EDF1: variants seen among roughly 807,000 people sequenced by gnomAD.
EDF1 encodes endothelial differentiation related factor 1, also known as endothelial differentiation-related factor 1.
EDF1 carries 5 observed loss-of-function variants against 20.8 expected under a neutral mutation model. That is an observed-to-expected ratio of 0.24 (90% CI 0.13 to 0.51). The LOEUF (loss-of-function observed/expected upper bound fraction) is 0.51. Ranked by LOEUF, EDF1 falls within the 20% of genes least tolerant of loss-of-function variation. The pLI, the probability that EDF1 is intolerant of heterozygous loss-of-function variation, is 0.97. For missense variants in EDF1, 137 were observed against 197.8 expected, an observed-to-expected ratio of 0.69 and a Z score of 1.84; for synonymous variants, 96 against 78.5, an observed-to-expected ratio of 1.22 and a Z score of -1.18.
At chr9:136,866,123 TGGCCCC>T in intron 1 of EDF1, 52 bp downstream of exon 1, 4 of 1,535,292 alleles carry the variant, frequency 2.6e-6, no homozygotes, top group Admixed American at 1.9e-5. Flanking sequence ...CCACGGTCCG[TGGCCCC>T]GGCCCAGCGT....
chr9:136,862,158 C>T lies in EDF1; in HGVS notation c.*126G>A. 8.1e-7 allele frequency: 1 copy of T among 1,237,228 alleles called. No homozygotes were observed. Among genetic ancestry groups the T allele is most frequent in the Non-Finnish European group, 1.2e-6 (1 of 852,028 alleles). The allele number at this position is 1,237,228 out of a possible 1,614,324, so 76.6% of individuals were successfully genotyped here. Reference sequence around the variant, plus strand: ...TTGTTTGTTTGACAGCAGGAATGGGCTGGGGAGGGTCCCCCGCAAGCTGGA... The same window carrying T: ...TTGTTTGTTTGACAGCAGGAATGGGTTGGGGAGGGTCCCCCGCAAGCTGGA... On this transcript the variant is annotated 3_prime_UTR_variant, in exon 5 of 5. Transcript: ENST00000224073. The surrounding 1 kb of genome is among the most constrained non-coding windows in gnomAD (Gnocchi z 4.1).
chr9:136,866,304 T>G lies in EDF1; in HGVS notation c.-46A>C, dbSNP rs750394277. The G allele has an allele frequency of 6.3e-7, 1 of 1,579,516 alleles. No individual in the cohort carries two copies. On this transcript the variant is annotated 5_prime_UTR_variant, in exon 1 of 5. Transcript: ENST00000224073. ...CGTCCGGCGGCTCAGCGGCAGCTGC[T>G]AGAGACCTGGCGCGGCGACGCTACG...
intron 1 of EDF1, among the ~76,000 whole-genome samples, chr9:136,865,565 C>G (rs1849199896): frequency 6.6e-6 from 1 of 151,752 alleles, no homozygotes. Flanking sequence ...GCCCCCAGCC[C>G]TATCCCAACC....
chr9:136,862,362 C>G lies in EDF1; in HGVS notation c.386-17G>C, dbSNP rs535391321. 4.4e-5 allele frequency: 71 copies of G among 1,614,030 alleles called. No individual in the cohort carries two copies. In the South Asian group the frequency reaches 4.9e-4, roughly 11 times the overall value. ...GCTTGAGGCCTGAAATGAGCCACAG[C>G]CACTGGCCACTGCAGCACCAGCTCC... On this transcript the variant is annotated splice_polypyrimidine_tract_variant and intron_variant, in intron 4 of 4. Coordinates refer to ENST00000224073, the MANE Select transcript of EDF1 (RefSeq NM_003792.4). The surrounding 1 kb of genome is among the most constrained non-coding windows in gnomAD (Gnocchi z 4.1).
chr9:136,864,960 A>G (rs917635552), intron 1 of EDF1, among the ~76,000 whole-genome samples: 1 of 152,214 alleles, frequency 6.6e-6, no homozygotes, highest in Non-Finnish European at 1.5e-5. Context: ...CTTGTGGAGC[A>G]TCCTAAGTGT....
chr9:136,862,401 C>A lies in EDF1; in HGVS notation c.386-56G>T, dbSNP rs374118747. Reference sequence around the variant, plus strand: ...AGCACCAGCTCCCTCCTCCCCCCAACGCTGCCCCTCTTCAACATCTTCCCA... The same window carrying A: ...AGCACCAGCTCCCTCCTCCCCCCAAAGCTGCCCCTCTTCAACATCTTCCCA... On this transcript the variant is annotated intron_variant, in intron 4 of 4. Transcript: ENST00000224073. The surrounding 1 kb of genome is among the most constrained non-coding windows in gnomAD (Gnocchi z 4.1). 51 of 1,613,844 alleles carry A rather than the reference C, an allele frequency of 3.2e-5. No homozygotes were observed. The East Asian group carries it at 3.3e-4, about 11-fold the overall frequency.
Position 136,863,464 on chromosome 9 carries a change from G to C in EDF1, c.131-16C>G, listed in dbSNP as rs1849152363. The C allele has an allele frequency of 1.2e-6, 2 of 1,607,170 alleles. No homozygotes were observed. Among genetic ancestry groups the C allele is most frequent in the East Asian group, 4.5e-5 (2 of 44,702 alleles). ...CCAGCAGCCCCTGGAGTCGGTGTGA[G>C]GCAAAAGCAGAGGAGAGGATTTGGA... On this transcript the variant is annotated splice_polypyrimidine_tract_variant and intron_variant, in intron 2 of 4. Transcript: ENST00000224073. The surrounding 1 kb of genome is among the most constrained non-coding windows in gnomAD (Gnocchi z 4.5).
Position 136,862,551 on chromosome 9 carries a change from C to G in EDF1, c.386-206G>C, listed in dbSNP as rs1406752528. On this transcript the variant is annotated intron_variant, in intron 4 of 4. Coordinates refer to ENST00000224073, the MANE Select transcript of EDF1 (RefSeq NM_003792.4). The surrounding 1 kb of genome is among the most constrained non-coding windows in gnomAD (Gnocchi z 4.1). ...CTTAGACAGCAGAGCATGAACACCCCTCTCCGGAAGAACCGGAGCCGGGGT... is the reference window on the plus strand; with the variant it reads ...CTTAGACAGCAGAGCATGAACACCCGTCTCCGGAAGAACCGGAGCCGGGGT... 2 of 1,595,460 alleles carry G rather than the reference C, an allele frequency of 1.3e-6. No homozygotes were observed. Among genetic ancestry groups the G allele is most frequent in the African/African-American group, 1.3e-5 (1 of 74,720 alleles).
In EDF1 at chr9:136,863,763, C is replaced by CA. The variant is rs1554775205; in HGVS notation, c.130+56dup. 3.7e-6 allele frequency: 6 copies of CA among 1,604,494 alleles called. No homozygotes were observed. The highest frequency in any genetic ancestry group is 5.1e-6 in the Non-Finnish European group (6 of 1,172,106). On this transcript the variant is annotated intron_variant, in intron 2 of 4. Transcript: ENST00000224073. The surrounding 1 kb of genome is among the most constrained non-coding windows in gnomAD (Gnocchi z 4.5). ...GGGGCGCCGCACACACCACACCCAC[C>CA]AGCACATGGACCCCACAGCACAGCC... is the stretch of plus-strand genomic sequence containing the variant.
chr9:136,866,083 C>A lies in EDF1; in HGVS notation c.78+98G>T, dbSNP rs1849219800. The A allele has an allele frequency of 9.4e-6, 12 of 1,281,588 alleles. No homozygotes were observed. The South Asian group carries it at 1.7e-4, about 18-fold the overall frequency. The allele number at this position is 1,281,588 out of a possible 1,614,324, so 79.4% of individuals were successfully genotyped here. A position where few individuals can be genotyped will look rare whatever the true frequency, so the allele number is the denominator to read the frequency against. ...CCCGTCCCCTGCGCCCTGTCCCAGG[C>A]CCCGCCTGCCCTTCCCCGAGCCCCC... On this transcript the variant is annotated intron_variant, in intron 1 of 4. Transcript: ENST00000224073.
chr9:136,864,593 C>A (rs940162804), intron 1 of EDF1, among the ~76,000 whole-genome samples: 1 of 151,842 alleles, frequency 6.6e-6, no homozygotes, highest in African/African-American at 2.4e-5. Context: ...GCCATCTCAT[C>A]TACAGTCACT....
At position 136,862,763 on chromosome 9, in the gene EDF1, T is replaced by G. The variant is rs956977488; in HGVS notation, c.385+143A>C. On this transcript the variant is annotated intron_variant, in intron 4 of 4. Coordinates refer to ENST00000224073, the MANE Select transcript of EDF1 (RefSeq NM_003792.4). This position sits in a 1 kb window ranked among gnomAD's most constrained non-coding sequence, Gnocchi z 4.1. ...CCACCATCCCTCAGTCTGTACTACC[T>G]GGAGAAGCAAAGCTCCAGAATTCAG... 1 of 1,593,666 alleles carries G rather than the reference T, an allele frequency of 6.3e-7. No homozygotes were observed. Among genetic ancestry groups the G allele is most frequent in the Non-Finnish European group, 8.5e-7 (1 of 1,172,778 alleles).
chr9:136,862,670 G>C lies in EDF1; in HGVS notation c.385+236C>G, dbSNP rs1849127574. 2.7e-6 allele frequency: 4 copies of C among 1,490,406 alleles called. No homozygotes were observed. Among genetic ancestry groups the C allele is most frequent in the Non-Finnish European group, 3.6e-6 (4 of 1,126,676 alleles). 92.3% of individuals were successfully genotyped at this position (1,490,406 alleles called of 1,614,324 possible). A position where few individuals can be genotyped will look rare whatever the true frequency, so the allele number is the denominator to read the frequency against. ...CCATCGCCAACAGCACAGGCTGACG[G>C]GAACTGGCAAGGGGAAGGGACTCGG... On this transcript the variant is annotated intron_variant, in intron 4 of 4. Coordinates refer to ENST00000224073, the MANE Select transcript of EDF1 (RefSeq NM_003792.4). This position sits in a 1 kb window ranked among gnomAD's most constrained non-coding sequence, Gnocchi z 4.1.
In EDF1 at chr9:136,863,506, A is replaced by T; in HGVS notation, c.131-58T>A. The T allele has an allele frequency of 1.3e-6, 2 of 1,569,430 alleles. No individual in the cohort carries two copies. Among genetic ancestry groups the T allele is most frequent in the African/African-American group, 1.3e-5 (1 of 74,082 alleles). On this transcript the variant is annotated intron_variant, in intron 2 of 4. Transcript: ENST00000224073. This position sits in a 1 kb window ranked among gnomAD's most constrained non-coding sequence, Gnocchi z 4.5. Reference sequence around the variant, plus strand: ...GGATTTGGAATTAACCTGAAGAAAAACCATTTCAAAGCGGTAACCAGACCC... The same window carrying T: ...GGATTTGGAATTAACCTGAAGAAAATCCATTTCAAAGCGGTAACCAGACCC...
Position 136,863,345 on chromosome 9 carries a change from G to A in EDF1, c.234C>T (p.Gly78=). The A allele has an allele frequency of 1.2e-6, 2 of 1,614,032 alleles. No individual in the cohort carries two copies. The highest frequency in any genetic ancestry group is 1.7e-6 in the Non-Finnish European group (2 of 1,180,018). ...LHHDRVTLEV[G]KVIQQGRQSK... ...TCTGCCGACCTTGCTGGATCACCTT[G>A]CCCACCTCCAGGGTCACCCTGTCAT... Residue 78 remains glycine, a synonymous_variant, in exon 3 of 5, where the codon GGC becomes GGT. Transcript: ENST00000224073. The surrounding 1 kb of genome is among the most constrained non-coding windows in gnomAD (Gnocchi z 4.5).
Position 136,863,476 on chromosome 9 carries a change from G to A in EDF1, c.131-28C>T. On this transcript the variant is annotated intron_variant, in intron 2 of 4. Transcript: ENST00000224073. This position sits in a 1 kb window ranked among gnomAD's most constrained non-coding sequence, Gnocchi z 4.5. The stretch of plus-strand genomic sequence containing the variant: ...GGAGTCGGTGTGAGGCAAAAGCAGA[G>A]GAGAGGATTTGGAATTAACCTGAAG... The A allele has an allele frequency of 6.2e-7, 1 of 1,602,156 alleles. No homozygotes were observed. The highest frequency in any genetic ancestry group is 8.5e-7 in the Non-Finnish European group (1 of 1,171,596).
intron 1 of EDF1, among the ~76,000 whole-genome samples, chr9:136,865,967 C>T (rs985156013): frequency 6.7e-6 from 1 of 148,936 alleles, no homozygotes; most frequent in African/African-American, 2.5e-5. Context: ...CGCCCCCCAC[C>T]TTCCCACCCC....
At position 136,863,804 on chromosome 9, in the gene EDF1, A is replaced by T; in HGVS notation, c.130+16T>A. On this transcript the variant is annotated intron_variant, in intron 2 of 4. Coordinates refer to ENST00000224073, the MANE Select transcript of EDF1 (RefSeq NM_003792.4). The surrounding 1 kb of genome is among the most constrained non-coding windows in gnomAD (Gnocchi z 4.5). ...CAGCACAGCCTCATGTTGCAAGCGG[A>T]AACACAAGTACCTACATTTCTTGGA... 3 of 1,613,892 alleles carry T rather than the reference A, an allele frequency of 1.9e-6. No homozygotes were observed. The highest frequency in any genetic ancestry group is 2.5e-6 in the Non-Finnish European group (3 of 1,179,974).
rs181374155 is a variant in EDF1, at chr9:136,862,885, G to A, written c.385+21C>T. On this transcript the variant is annotated intron_variant, in intron 4 of 4. Transcript: ENST00000224073. This position sits in a 1 kb window ranked among gnomAD's most constrained non-coding sequence, Gnocchi z 4.1. ...AGCCTCCCTGTTCAGCGGACCCGGC[G>A]AAGGGTGGAGGGACACTCACCAATG... 151 of 1,612,910 alleles carry A rather than the reference G, an allele frequency of 9.4e-5. 1 individual carries two copies. The Admixed American group carries it at 2.2e-3, about 24-fold the overall frequency.
Sources: allele counts gnomAD v4.1 joint callset (sites outside exome capture counted in the v4.1 genomes callset), GRCh38; gene constraint gnomAD v4.1.1; non-coding constraint Gnocchi (gnomAD v3.1); transcripts MANE v1.5; gene names NCBI Gene and HGNC (gene_info 2026-07-23, HGNC 2026-07-21).